Variants in DAB1 observed in about 807,000 individuals in gnomAD.
DAB1 encodes the protein DAB adaptor protein 1.
DAB1 carries 15 observed loss-of-function variants against 64.6 expected under a neutral mutation model. The observed-to-expected ratio is 0.23, with a 90% CI of 0.16 to 0.36. The LOEUF (loss-of-function observed/expected upper bound fraction) is 0.36. Ranked by LOEUF, DAB1 falls within the 10% of genes least tolerant of loss-of-function variation. The pLI is 1.00. For synonymous variants in DAB1, 235 were observed against 251.9 expected, an observed-to-expected ratio of 0.93 and a Z score of 0.64; for missense variants, 596 against 706.7, an observed-to-expected ratio of 0.84 and a Z score of 1.78.
rs201961024 is a variant in DAB1, at chr1:57,949,531, GTCTA to G, written n.388-65373_388-65370del. On this transcript the variant is annotated intron_variant and non_coding_transcript_variant, in intron 5 of 20. Coordinates refer to the DAB1 transcript ENST00000485760. ...TCTATATCTGTCTGTCTGTCTGTCT[GTCTA>G]TCTATCATCTATCTACACACACACA... is the stretch of plus-strand genomic sequence containing the variant. 8.4e-3 allele frequency among the ~76,000 whole-genome samples: 1,227 copies of G among 145,856 alleles called. 22 individuals carry two copies. Among genetic ancestry groups the G allele is most frequent in the East Asian group, 0.082 (416 of 5,062 alleles).
chr1:58,184,405 C>G (rs1570458713), intron 4 of DAB1, among the ~76,000 whole-genome samples: 1 of 151,656 alleles, frequency 6.6e-6, no homozygotes, highest in African/African-American at 2.4e-5. Flanking sequence ...GACAATAACT[C>G]CTACTCCCTG....
intron 6 of DAB1, among the ~76,000 whole-genome samples, chr1:57,709,162 T>C (rs1374798807): frequency 6.6e-6 from 1 of 152,224 alleles, no homozygotes; most frequent in African/African-American, 2.4e-5. Flanking sequence ...TATCTACTTT[T>C]AAAGTCTTTT....
chr1:57,239,449 T>C (rs1210049511), intron 2 of DAB1, among the ~76,000 whole-genome samples: 1 of 152,190 alleles, frequency 6.6e-6, no homozygotes, highest in Non-Finnish European at 1.5e-5. Context: ...GTGCCTAGAA[T>C]GGGGCCTGGC....
chr1:57,837,332 C>G lies in DAB1; in HGVS notation n.88-10877G>C, dbSNP rs544879202. ...GCTAGTGAAACATCTCTAACACATT[C>G]ATGTTTCCACCCTTGCCCCATGCTT... On this transcript the variant is annotated intron_variant and non_coding_transcript_variant, in intron 1 of 1. Coordinates refer to the DAB1 transcript ENST00000477280. Among the ~76,000 whole-genome samples, 102 of 152,300 alleles carry G rather than the reference C, an allele frequency of 6.7e-4. 1 individual carries two copies. Among genetic ancestry groups the G allele is most frequent in the African/African-American group, 2.3e-3 (95 of 41,568 alleles).
intron 3 of DAB1, among the ~76,000 whole-genome samples, chr1:58,447,983 G>A (rs752002438): frequency 3.3e-5 from 5 of 151,822 alleles, no homozygotes; most frequent in South Asian, 2.1e-4. Flanking sequence ...CCATTCCCCC[G>A]GGGGAATGGC....
chr1:57,180,719 C>A (rs1662827359), intron 2 of DAB1, among the ~76,000 whole-genome samples: 1 of 152,070 alleles, frequency 6.6e-6, no homozygotes, highest in African/African-American at 2.4e-5. Context: ...TACCCACAAC[C>A]TTCCGTAATG....
intron 2 of DAB1, among the ~76,000 whole-genome samples, chr1:57,273,454 C>A (rs971520631): frequency 6.6e-6 from 1 of 152,068 alleles, no homozygotes; most frequent in Non-Finnish European, 1.5e-5. Flanking sequence ...GGCTTAAGTA[C>A]TCCAATAAGA....
At chr1:57,088,666 C>T (rs1448763010) in intron 4 of DAB1, among the ~76,000 whole-genome samples, 1 of 152,178 alleles carries the variant, frequency 6.6e-6, no homozygotes, top group East Asian at 1.9e-4. Flanking sequence ...TACTCAAGCT[C>T]TCACTATTTC....
At chr1:58,349,163 G>A (rs1395037216) in intron 3 of DAB1, among the ~76,000 whole-genome samples, 1 of 152,188 alleles carries the variant, frequency 6.6e-6, no homozygotes, top group Non-Finnish European at 1.5e-5. Flanking sequence ...GCTTGGGCTT[G>A]GTTTGAGTAT....
chr1:58,044,709 T>C (rs1647201320), intron 5 of DAB1, among the ~76,000 whole-genome samples: 1 of 152,182 alleles, frequency 6.6e-6, no homozygotes, highest in Non-Finnish European at 1.5e-5. Flanking sequence ...ACTAACTCAG[T>C]CTTACCCTGT....
chr1:58,237,154 C>A (rs1259946521), intron 4 of DAB1, among the ~76,000 whole-genome samples: 1 of 152,084 alleles, frequency 6.6e-6, no homozygotes, highest in Admixed American at 6.6e-5. Flanking sequence ...GAGAAACAGG[C>A]ACAGAAGGAG....
chr1:57,671,828 C>G (rs1486266188), intron 6 of DAB1, among the ~76,000 whole-genome samples: 1 of 152,058 alleles, frequency 6.6e-6, no homozygotes. Flanking sequence ...CTCTCATGCT[C>G]TGATATTACT....
rs529130097 is a variant in DAB1, at chr1:58,501,966, T to G, written n.257+4094A>C. Among the ~76,000 whole-genome samples, 71 of 152,160 alleles carry G rather than the reference T, an allele frequency of 4.7e-4. 2 individuals carry two copies. The highest frequency in any genetic ancestry group is 2.1e-3 in the South Asian group (10 of 4,810). On this transcript the variant is annotated intron_variant and non_coding_transcript_variant, in intron 3 of 20. Coordinates refer to the DAB1 transcript ENST00000485760. ...CCCCCAGCACCAAATTTATTATCTG[T>G]CTCCCTTTACTGCAGAATAAGCTTC...
At chr1:57,049,608 TG>T (rs1398123189) in intron 9 of DAB1, among the ~76,000 whole-genome samples, 1 of 152,048 alleles carries the variant, frequency 6.6e-6, no homozygotes, top group Non-Finnish European at 1.5e-5. Flanking sequence ...TCCAGCTCCC[TG>T]TTTGTCTCAT....
At chr1:58,297,484 T>C (rs1405777411) in intron 4 of DAB1, among the ~76,000 whole-genome samples, 2 of 152,162 alleles carry the variant, frequency 1.3e-5, no homozygotes, top group Non-Finnish European at 2.9e-5. Flanking sequence ...CAATGCCTGG[T>C]ACAGAGTGAG....
chr1:57,387,804 A>C (rs1367333211), intron 1 of DAB1, among the ~76,000 whole-genome samples: 1 of 143,944 alleles, frequency 6.9e-6, no homozygotes, highest in East Asian at 2.0e-4. Context: ...CCTGGGTGAC[A>C]GAGCAAGACT....
At chr1:57,199,232 A>C (rs904763525) in intron 2 of DAB1, among the ~76,000 whole-genome samples, 5 of 152,242 alleles carry the variant, frequency 3.3e-5, no homozygotes, top group African/African-American at 1.2e-4. Flanking sequence ...TGCAGCTTTT[A>C]ATAACTTCTC....
At chr1:57,411,326 A>C (rs181303800) in intron 1 of DAB1, among the ~76,000 whole-genome samples, 4 of 152,260 alleles carry the variant, frequency 2.6e-5, no homozygotes, top group Admixed American at 1.3e-4. Flanking sequence ...AATGACCTGG[A>C]CTCATCTTTC....
chr1:58,434,456 T>C (rs1445589741), intron 3 of DAB1, among the ~76,000 whole-genome samples: 1 of 148,070 alleles, frequency 6.8e-6, no homozygotes, highest in Non-Finnish European at 1.5e-5. Flanking sequence ...AGCAGAGAAG[T>C]AGAAAGGATG....
Sources: gnomAD v4.1 joint callset for allele counts (sites outside exome capture counted in the v4.1 genomes callset) on GRCh38, gnomAD v4.1.1 for gene constraint, MANE v1.5 for transcripts, NCBI Gene and HGNC (gene_info 2026-07-23, HGNC 2026-07-21) for gene names.